Variants in CACNA2D2 observed in about 807,000 individuals in gnomAD.
CACNA2D2 encodes voltage-dependent calcium channel subunit alpha-2/delta-2.
In CACNA2D2, 48 loss-of-function variants were observed where a neutral mutation model predicts 166.4. That is an observed-to-expected ratio of 0.29 (90% CI 0.23 to 0.37). The LOEUF is 0.37. Ranked by LOEUF, CACNA2D2 falls within the 10% of genes least tolerant of loss-of-function variation. CACNA2D2 has a pLI of 1.00. For synonymous variants in CACNA2D2, 561 were observed against 573.7 expected (o/e 0.98, Z 0.32); for missense variants, 1,122 against 1,433.0 (o/e 0.78, Z 3.50).
At chr3:50,457,329 G>A (rs1461969532) in intron 2 of CACNA2D2, among the ~76,000 whole-genome samples, 1 of 152,180 alleles carries the variant, frequency 6.6e-6, no homozygotes, top group Non-Finnish European at 1.5e-5. Context: ...AGCTCACACA[G>A]TCTCTCGAAA....
Position 50,490,826 on chromosome 3 carries a change from T to C in CACNA2D2, c.206+12392A>G, listed in dbSNP as rs1195125567. On this transcript the variant is annotated intron_variant, in intron 1 of 37. Transcript: ENST00000424201. ...CTGAGCAGCCAGGCAGCAAGGTCTA[T>C]TTCAGGACAAGAATAGGGAGGACAG... is the stretch of plus-strand genomic sequence containing the variant. 3.3e-5 allele frequency among the ~76,000 whole-genome samples: 5 copies of C among 152,256 alleles called. No homozygotes were observed. The East Asian group carries it at 7.7e-4, about 24-fold the overall frequency.
rs1298259598 is a variant in CACNA2D2 at position 50,379,059 on chromosome 3, G to A, written c.1260+33C>T. On this transcript the variant is annotated intron_variant, in intron 12 of 37. Coordinates refer to ENST00000424201, the MANE Select transcript of CACNA2D2 (RefSeq NM_006030.4). The surrounding 1 kb of genome is among the most constrained non-coding windows in gnomAD (Gnocchi z 6.5). ...CAGCCCTCTTCTGTACTGGGCCCAGGTCAGGGTAGCCCCTGCCTCGGTTGA... is the reference window on the plus strand; with the variant it reads ...CAGCCCTCTTCTGTACTGGGCCCAGATCAGGGTAGCCCCTGCCTCGGTTGA... The A allele has an allele frequency of 1.2e-6, 2 of 1,613,328 alleles. No homozygotes were observed. The highest frequency in any genetic ancestry group is 1.3e-5 in the African/African-American group (1 of 75,028).
At chr3:50,458,383 T>C (rs1709458684) in intron 2 of CACNA2D2, among the ~76,000 whole-genome samples, 1 of 152,108 alleles carries the variant, frequency 6.6e-6, no homozygotes, top group African/African-American at 2.4e-5. Flanking sequence ...CACACCCCCA[T>C]GTACAGGGCA....
chr3:50,498,737 G>C (rs895716038), intron 1 of CACNA2D2, among the ~76,000 whole-genome samples: 1 of 152,210 alleles, frequency 6.6e-6, no homozygotes, highest in Non-Finnish European at 1.5e-5. Context: ...GTTACAGCTG[G>C]AAGTCCCAGG....
intron 6 of CACNA2D2, among the ~76,000 whole-genome samples, chr3:50,381,917 C>T (rs7617345): frequency 0.095 from 14,427 of 151,130 alleles, 1,809 homozygotes; most frequent in African/African-American, 0.29. Context: ...ATCAGTTACC[C>T]CATTCTCCCT....
At chr3:50,443,963 T>C (rs1299942556) in intron 2 of CACNA2D2, among the ~76,000 whole-genome samples, 1 of 152,010 alleles carries the variant, frequency 6.6e-6, no homozygotes, top group African/African-American at 2.4e-5. Flanking sequence ...GATGAAACAG[T>C]CATTGTGGCC....
chr3:50,465,800 G>C (rs1484241525), intron 2 of CACNA2D2, among the ~76,000 whole-genome samples: 1 of 152,146 alleles, frequency 6.6e-6, no homozygotes, highest in African/African-American at 2.4e-5. Context: ...GGAGTGGTTT[G>C]TCTTGTACTG....
intron 2 of CACNA2D2, among the ~76,000 whole-genome samples, chr3:50,474,763 C>A (rs1710238331): frequency 6.6e-6 from 1 of 152,202 alleles, no homozygotes; most frequent in African/African-American, 2.4e-5. Flanking sequence ...TTGGCAGTGG[C>A]TACTTGGAGC....
At chr3:50,466,311 T>C (rs551350638) in intron 2 of CACNA2D2, among the ~76,000 whole-genome samples, 18 of 152,094 alleles carry the variant, frequency 1.2e-4, no homozygotes, top group African/African-American at 3.9e-4. Flanking sequence ...TCACCCACAA[T>C]TGAGATTTCT....
intron 16 of CACNA2D2, 49 bp from the exon 17 acceptor site, chr3:50,377,590 G>C (rs1705058074): frequency 1.3e-6 from 2 of 1,593,320 alleles, no homozygotes; most frequent in Non-Finnish European, 8.6e-7. Context: ...ATTCCATGGG[G>C]AACCACCCTC....
At chr3:50,503,796 G>A (rs1699093330), upstream of CACNA2D2, among the ~76,000 whole-genome samples, 1 of 145,644 alleles carries the variant, frequency 6.9e-6, no homozygotes, top group African/African-American at 2.6e-5. Context: ...TCTCGTCCCC[G>A]CGCAGCCCGA....
Position 50,366,996 on chromosome 3 carries a change from G to A in CACNA2D2, c.2500+15C>T. Reference sequence around the variant, plus strand: ...GTCCATTGCCTGTTTCCCCACCTCTGTCCCAAACATTCACCTGCTGGCCTC... The same window carrying A: ...GTCCATTGCCTGTTTCCCCACCTCTATCCCAAACATTCACCTGCTGGCCTC... On this transcript the variant is annotated intron_variant, in intron 28 of 37. Coordinates refer to ENST00000424201, the MANE Select transcript of CACNA2D2 (RefSeq NM_006030.4). The surrounding 1 kb of genome is among the most constrained non-coding windows in gnomAD (Gnocchi z 5.9). 6.2e-7 allele frequency: 1 copy of A among 1,613,410 alleles called. No homozygotes were observed. The highest frequency in any genetic ancestry group is 1.3e-5 in the African/African-American group (1 of 75,044).
intron 3 of CACNA2D2, among the ~76,000 whole-genome samples, chr3:50,425,889 A>G (rs184263270): frequency 1.3e-3 from 198 of 152,074 alleles, no homozygotes; most frequent in African/African-American, 4.6e-3. Context: ...TAAAAAGGAA[A>G]CTCGGGGCAA....
At chr3:50,426,110 G>A (rs1009661122) in intron 3 of CACNA2D2, among the ~76,000 whole-genome samples, 13 of 152,158 alleles carry the variant, frequency 8.5e-5, no homozygotes, top group Admixed American at 2.0e-4. Flanking sequence ...GGGAGCTCTG[G>A]GAGGGCAGGT....
intron 5 of CACNA2D2, among the ~76,000 whole-genome samples, chr3:50,386,460 T>C (rs963231414): frequency 2.6e-5 from 4 of 152,244 alleles, no homozygotes; most frequent in African/African-American, 9.6e-5. Context: ...CAGGGTCTAA[T>C]TAAAGGTTCG....
chr3:50,468,491 G>A (rs1411648770), intron 2 of CACNA2D2, among the ~76,000 whole-genome samples: 1 of 148,828 alleles, frequency 6.7e-6, no homozygotes, highest in African/African-American at 2.5e-5. Context: ...AAGATGGAAG[G>A]ATTGAGCGGC....
intron 2 of CACNA2D2, among the ~76,000 whole-genome samples, chr3:50,445,996 G>A (rs996876095): frequency 6.6e-6 from 1 of 152,080 alleles, no homozygotes; most frequent in African/African-American, 2.4e-5. Context: ...CAGCAACAGG[G>A]GCCAGCATTT....
chr3:50,500,853 G>A (rs1318949051), intron 1 of CACNA2D2, among the ~76,000 whole-genome samples: 1 of 149,940 alleles, frequency 6.7e-6, no homozygotes, highest in East Asian at 2.0e-4. Flanking sequence ...CATTTTGCCT[G>A]GTGGGCAGAG....
At chr3:50,480,462 T>C (rs1433534838) in intron 1 of CACNA2D2, among the ~76,000 whole-genome samples, 1 of 151,726 alleles carries the variant, frequency 6.6e-6, no homozygotes, top group Non-Finnish European at 1.5e-5. Context: ...CTATGAAAGC[T>C]TGTGTGGGGG....
Sources: gnomAD v4.1 joint callset for allele counts (sites outside exome capture counted in the v4.1 genomes callset) on GRCh38, gnomAD v4.1.1 for gene constraint, Gnocchi (gnomAD v3.1) non-coding constraint, MANE v1.5 for transcripts, NCBI Gene and HGNC (gene_info 2026-07-23, HGNC 2026-07-21) for gene names.